Variants in CDYL observed in about 807,000 individuals in gnomAD.
CDYL encodes chromodomain Y-like protein.
CDYL carries 8 observed loss-of-function variants against 47.3 expected under a neutral mutation model. The ratio of observed to expected loss-of-function variants is 0.17; its 90% CI spans 0.10 to 0.31. The LOEUF (loss-of-function observed/expected upper bound fraction) is 0.31. Ranked by LOEUF, CDYL falls within the 10% of genes least tolerant of loss-of-function variation. The pLI is 1.00. For missense variants in CDYL, 471 were observed against 701.4 expected, an observed-to-expected ratio of 0.67 and a Z score of 3.71; for synonymous variants, 266 against 265.0, an observed-to-expected ratio of 1.00 and a Z score of -0.04.
chr6:4,784,556 A>G (rs1758702173), intron 1 of CDYL, among the ~76,000 whole-genome samples: 1 of 152,244 alleles, frequency 6.6e-6, no homozygotes, highest in Admixed American at 6.5e-5. Context: ...ATGGATTATA[A>G]TAGTTATAAC....
At chr6:4,763,998 C>T (rs1758214974) in intron 3 of CDYL, among the ~76,000 whole-genome samples, 1 of 151,764 alleles carries the variant, frequency 6.6e-6, no homozygotes, top group South Asian at 2.1e-4. Context: ...TGGAACAAAT[C>T]AATGAAGGAA....
chr6:4,792,146 C>T (rs887378310), intron 1 of CDYL, among the ~76,000 whole-genome samples: 1 of 151,618 alleles, frequency 6.6e-6, no homozygotes, highest in East Asian at 1.9e-4. Context: ...CCCGCCTCGG[C>T]CTCCCAAGGT....
intron 1 of CDYL, among the ~76,000 whole-genome samples, chr6:4,830,588 ATTTAT>A (rs1760108946): frequency 6.6e-6 from 1 of 151,284 alleles, no homozygotes; most frequent in African/African-American, 2.4e-5. Flanking sequence ...TCTTTTATTT[ATTTAT>A]TTTAATTTTT....
intron 2 of CDYL, among the ~76,000 whole-genome samples, chr6:4,909,006 G>A (rs1249326069): frequency 6.6e-6 from 1 of 152,240 alleles, no homozygotes. Context: ...GTGTACAGGA[G>A]TGTACAAAAT....
chr6:4,950,437 C>T (rs1181668835), intron 5 of CDYL, among the ~76,000 whole-genome samples: 1 of 152,168 alleles, frequency 6.6e-6, no homozygotes, highest in African/African-American at 2.4e-5. Context: ...AAAGGAAAAC[C>T]CCGACAGCAC....
intron 5 of CDYL, among the ~76,000 whole-genome samples, chr6:4,946,531 C>T (rs1758521479): frequency 6.6e-6 from 1 of 152,160 alleles, no homozygotes; most frequent in African/African-American, 2.4e-5. Context: ...GGAGTCCCCC[C>T]ATGGCTGTAG....
At chr6:4,796,061 G>A (rs1245317422) in intron 1 of CDYL, among the ~76,000 whole-genome samples, 1 of 152,112 alleles carries the variant, frequency 6.6e-6, no homozygotes, top group Admixed American at 6.6e-5. Flanking sequence ...CCAGGTTCAA[G>A]TGATTCTCCT....
At chr6:4,734,910 A>G in intron 3 of CDYL, 1 of 1,599,444 alleles carries the variant, frequency 6.3e-7, no homozygotes, top group South Asian at 1.1e-5. Flanking sequence ...CCATAGGGGA[A>G]TCGCCCCACA....
At chr6:4,768,276 AC>A (rs1471867295) in intron 3 of CDYL, among the ~76,000 whole-genome samples, 2 of 152,314 alleles carry the variant, frequency 1.3e-5, no homozygotes, top group East Asian at 3.9e-4. Flanking sequence ...CACATCTAAC[AC>A]CCAGAACTTG....
intron 3 of CDYL, among the ~76,000 whole-genome samples, chr6:4,748,873 T>A (rs1757940988): frequency 6.6e-6 from 1 of 152,186 alleles, no homozygotes; most frequent in African/African-American, 2.4e-5. Context: ...AAAATTCTGC[T>A]CTTCCTAGAA....
intron 1 of CDYL, among the ~76,000 whole-genome samples, chr6:4,709,661 C>G (rs1757114572): frequency 6.6e-6 from 1 of 152,168 alleles, no homozygotes; most frequent in South Asian, 2.1e-4. Flanking sequence ...ACCTCTGTCT[C>G]TCTATTCTCT....
intron 1 of CDYL, among the ~76,000 whole-genome samples, chr6:4,856,708 C>T (rs1161272258): frequency 2.0e-5 from 3 of 152,146 alleles, no homozygotes; most frequent in Non-Finnish European, 4.4e-5. Context: ...CAGCCCAGAA[C>T]TCTGATGGGG....
rs537709803 is a variant in CDYL, at chr6:4,853,306, A to AT, written c.25-38402dup. ...AACAACCGCGAGGGTAGATATTTTT[A>AT]TTTTTCCCGGTAAAATAGAGGACAT... On this transcript the variant is annotated intron_variant, in intron 1 of 6. Coordinates refer to ENST00000397588, the MANE Select transcript of CDYL (RefSeq NM_004824.4). Among the ~76,000 whole-genome samples, 174 of 152,204 alleles carry AT rather than the reference A, an allele frequency of 1.1e-3. 1 individual carries two copies. The highest frequency in any genetic ancestry group is 4.0e-3 in the African/African-American group (165 of 41,538).
intron 2 of CDYL, among the ~76,000 whole-genome samples, chr6:4,720,375 G>A (rs6597094): frequency 0.13 from 19,510 of 152,138 alleles, 1,521 homozygotes; most frequent in African/African-American, 0.23. Context: ...TGTGAAATCC[G>A]ATTTTCTATT....
In CDYL at chr6:4,891,924, C is replaced by G; in HGVS notation, c.236C>G (p.Ala79Gly). Residue 79 changes from alanine to glycine, a missense_variant, in exon 2 of 7, where the codon GCT becomes GGT. Transcript: ENST00000397588. Reference protein sequence around the residue: ...TRTNRTSPNNARKQISRSTNS... With the variant: ...TRTNRTSPNNGRKQISRSTNS... ...ACAAACAGGACCTCTCCCAACAATG[C>G]TAGGAAACAAATCTCCAGATCCACC... 6.2e-7 allele frequency: 1 copy of G among 1,614,100 alleles called. No homozygotes were observed. Among genetic ancestry groups the G allele is most frequent in the Non-Finnish European group, 8.5e-7 (1 of 1,180,020 alleles).
intron 2 of CDYL, among the ~76,000 whole-genome samples, chr6:4,725,290 G>A (rs778213083): frequency 8.9e-4 from 135 of 152,370 alleles, no homozygotes; most frequent in Middle Eastern, 3.4e-3. Flanking sequence ...CACCGAGGGT[G>A]CAGGTGGAGC....
rs561656525 is a variant in CDYL at position 4,730,814 on chromosome 6, C to G, written c.104-3948C>G. Among the ~76,000 whole-genome samples, 14 of 152,160 alleles carry G rather than the reference C, an allele frequency of 9.2e-5. No individual in the cohort carries two copies. The South Asian group carries it at 2.9e-3, about 32-fold the overall frequency. ...CCTCCCTCCCTCGCCTGACATAGCT[C>G]TTTACACAGTTGCAATTCCATGCCT... is the stretch of plus-strand genomic sequence containing the variant. On this transcript the variant is annotated intron_variant, in intron 2 of 8. Transcript: ENST00000328908.
intron 1 of CDYL, among the ~76,000 whole-genome samples, chr6:4,855,180 A>C (rs1006037949): frequency 1.3e-5 from 2 of 152,226 alleles, no homozygotes; most frequent in African/African-American, 4.8e-5. Flanking sequence ...ATGGATTCTA[A>C]AAAGAGAACC....
chr6:4,854,508 G>A (rs574402489), intron 1 of CDYL, among the ~76,000 whole-genome samples: 1 of 152,328 alleles, frequency 6.6e-6, no homozygotes, highest in African/African-American at 2.4e-5. Context: ...TGGGAGCTCT[G>A]TGTGTGTTTC....
Sources: allele counts gnomAD v4.1 joint callset (sites outside exome capture counted in the v4.1 genomes callset), GRCh38; gene constraint gnomAD v4.1.1; transcripts MANE v1.5; gene names NCBI Gene and HGNC (gene_info 2026-07-23, HGNC 2026-07-21).